Variants in IL7 observed in about 807,000 individuals in gnomAD.
The protein encoded by IL7 is interleukin 7.
In IL7, 3 loss-of-function variants were observed where a neutral mutation model predicts 21.6. The observed-to-expected ratio is 0.14, with a 90% CI of 0.06 to 0.36. The LOEUF (loss-of-function observed/expected upper bound fraction) is 0.36. Among genes scored for constraint, IL7 ranks in the 10% least tolerant of loss-of-function variants. The pLI is 1.00. For missense variants in IL7, 175 were observed against 200.2 expected, an observed-to-expected ratio of 0.87 and a Z score of 0.76; for synonymous variants, 62 against 68.1, an observed-to-expected ratio of 0.91 and a Z score of 0.44.
chr8:78,769,605 C>G (rs1812882439), intron 2 of IL7, among the ~76,000 whole-genome samples: 1 of 152,208 alleles, frequency 6.6e-6, no homozygotes, highest in South Asian at 2.1e-4. Context: ...AATGGCCATA[C>G]TGCCCAAGGT....
intron 2 of IL7, among the ~76,000 whole-genome samples, chr8:78,763,002 G>C (rs1445296501): frequency 1.3e-5 from 2 of 152,156 alleles, no homozygotes; most frequent in Admixed American, 6.5e-5. Context: ...CAGTAGTGTC[G>C]TCTCTGTATG....
intron 2 of IL7, among the ~76,000 whole-genome samples, chr8:78,783,326 G>A (rs1208526125): frequency 6.6e-6 from 1 of 152,182 alleles, no homozygotes; most frequent in Non-Finnish European, 1.5e-5. Flanking sequence ...ATCACTCACT[G>A]CCTCCCTTGG....
At chr8:78,743,589 G>A (rs1043404915) in intron 2 of IL7, among the ~76,000 whole-genome samples, 24 of 151,792 alleles carry the variant, frequency 1.6e-4, no homozygotes, top group African/African-American at 4.4e-4. Flanking sequence ...ATTGCATTAC[G>A]AAATTCTTGT....
Position 78,690,771 on chromosome 8 carries a change from A to C in IL7, n.215-4824T>G, listed in dbSNP as rs549211072. Among the ~76,000 whole-genome samples, 5 of 152,160 alleles carry C rather than the reference A, an allele frequency of 3.3e-5. No individual in the cohort carries two copies. The South Asian group carries it at 6.2e-4, about 19-fold the overall frequency. On this transcript the variant is annotated intron_variant and non_coding_transcript_variant, in intron 3 of 4. Transcript: ENST00000523959. ...CTGATCATTTAGGTTTTATTTTAGC[A>C]GTGTTTTGTAGTGTATATTATATAG... is the stretch of plus-strand genomic sequence containing the variant.
intron 4 of IL7, among the ~76,000 whole-genome samples, chr8:78,682,956 ATTAAACC>A (rs1311021172): frequency 6.6e-6 from 1 of 152,244 alleles, no homozygotes; most frequent in Non-Finnish European, 1.5e-5. Flanking sequence ...GAGGGCAGTC[ATTAAACC>A]TTAAAGCTCT....
In IL7 at chr8:78,804,959, A is replaced by G. The variant is rs1331706959; in HGVS notation, c.-37T>C. 4 of 1,608,366 alleles carry G rather than the reference A, an allele frequency of 2.5e-6. No individual in the cohort carries two copies. Among genetic ancestry groups the G allele is most frequent in the Non-Finnish European group, 3.4e-6 (4 of 1,176,614 alleles). Reference sequence around the variant, plus strand: ...GGCGGGCGTAGTCATGATGACCGCAACTGGAGCAGGAGCAAGCTCTCACCG... The same window carrying G: ...GGCGGGCGTAGTCATGATGACCGCAGCTGGAGCAGGAGCAAGCTCTCACCG... On this transcript the variant is annotated 5_prime_UTR_variant, in exon 1 of 6. Coordinates refer to ENST00000263851, the MANE Select transcript of IL7 (RefSeq NM_000880.4).
intron 2 of IL7, among the ~76,000 whole-genome samples, chr8:78,772,613 A>G (rs1812995792): frequency 6.6e-6 from 1 of 152,170 alleles, no homozygotes; most frequent in Non-Finnish European, 1.5e-5. Context: ...CTGTTGTACA[A>G]AGAAACCAAT....
intron 2 of IL7, among the ~76,000 whole-genome samples, chr8:78,787,677 G>A (rs1393448682): frequency 1.3e-5 from 2 of 152,142 alleles, no homozygotes; most frequent in Non-Finnish European, 2.9e-5. Flanking sequence ...GCTTTTCATA[G>A]AGACTACCAT....
At chr8:78,767,972 C>CACGTGTT (rs1413392279) in intron 2 of IL7, among the ~76,000 whole-genome samples, 2 of 151,866 alleles carry the variant, frequency 1.3e-5, no homozygotes, top group African/African-American at 4.8e-5. Context: ...TTCCTGTGTC[C>CACGTGTT]CTGTGTTCTC....
intron 2 of IL7, among the ~76,000 whole-genome samples, chr8:78,759,982 G>C (rs1473766071): frequency 6.6e-6 from 1 of 152,138 alleles, no homozygotes; most frequent in African/African-American, 2.4e-5. Flanking sequence ...CAAAGCTTGA[G>C]AGTTCAAACA....
intron 3 of IL7, among the ~76,000 whole-genome samples, chr8:78,706,497 G>A (rs555630267): frequency 5.3e-5 from 8 of 152,126 alleles, no homozygotes; most frequent in Admixed American, 2.0e-4. Flanking sequence ...GCAAAGATCC[G>A]TTGGAGAAGC....
chr8:78,716,652 C>T (rs1405929464), downstream of IL7, among the ~76,000 whole-genome samples: 1 of 152,104 alleles, frequency 6.6e-6, no homozygotes, highest in East Asian at 1.9e-4. Flanking sequence ...GAAAGGACAT[C>T]ATAAATGTTC....
intron 1 of IL7, among the ~76,000 whole-genome samples, chr8:78,798,568 C>T (rs918549558): frequency 2.0e-5 from 3 of 151,888 alleles, no homozygotes; most frequent in South Asian, 2.1e-4. Flanking sequence ...CACTACAGTT[C>T]GAAGAGTTAC....
downstream of IL7, among the ~76,000 whole-genome samples, chr8:78,713,736 T>C (rs1213769437): frequency 2.0e-5 from 3 of 152,204 alleles, no homozygotes; most frequent in Non-Finnish European, 4.4e-5. Flanking sequence ...AATGACAGCA[T>C]TGTGTATTGA....
intron 3 of IL7, among the ~76,000 whole-genome samples, chr8:78,722,667 A>G (rs1486452453): frequency 1.3e-5 from 2 of 151,982 alleles, no homozygotes; most frequent in Non-Finnish European, 2.9e-5. Flanking sequence ...ACATATCTCC[A>G]TATCTACAAA....
chr8:78,790,655 GGA>G (rs1286729220), intron 2 of IL7, among the ~76,000 whole-genome samples: 1 of 151,910 alleles, frequency 6.6e-6, no homozygotes, highest in Non-Finnish European at 1.5e-5. Flanking sequence ...TACAAGGAGT[GGA>G]GAGTTAGAAA....
At chr8:78,746,650 C>T (rs984643670) in intron 2 of IL7, among the ~76,000 whole-genome samples, 1 of 152,184 alleles carries the variant, frequency 6.6e-6, no homozygotes, top group Non-Finnish European at 1.5e-5. Context: ...TCCCATACAG[C>T]TGCTCCTTCC....
At chr8:78,690,296 C>T (rs1586000862) in intron 3 of IL7, among the ~76,000 whole-genome samples, 1 of 152,144 alleles carries the variant, frequency 6.6e-6, no homozygotes, top group African/African-American at 2.4e-5. Flanking sequence ...GCAGTGGCTC[C>T]CGCCTTTAAT....
At chr8:78,724,429 A>G (rs983557936) in intron 3 of IL7, among the ~76,000 whole-genome samples, 3 of 151,968 alleles carry the variant, frequency 2.0e-5, no homozygotes, top group Non-Finnish European at 4.4e-5. Context: ...TTTTTAAAAA[A>G]GTTTTATTTT....
Sources: allele counts gnomAD v4.1 joint callset (sites outside exome capture counted in the v4.1 genomes callset), GRCh38; gene constraint gnomAD v4.1.1; transcripts MANE v1.5; gene names NCBI Gene and HGNC (gene_info 2026-07-23, HGNC 2026-07-21).